SYT8: variants seen among roughly 807,000 people sequenced by gnomAD.
SYT8 encodes the protein synaptotagmin 8.
A neutral mutation model predicts 34.9 loss-of-function variants in SYT8; 50 were observed. The ratio of observed to expected loss-of-function variants is 1.43; its 90% CI spans 1.14 to 1.81. SYT8 has a LOEUF of 1.81. Among genes scored for constraint, SYT8 ranks in the 40% most tolerant of loss-of-function variants. The pLI, the probability that SYT8 is intolerant of heterozygous loss-of-function variation, is 0.00. For synonymous variants in SYT8, 255 were observed against 234.2 expected (o/e 1.09, Z -0.81); for missense variants, 595 against 529.0 (o/e 1.12, Z -1.22).
rs1846910339 is a variant in SYT8 at position 1,836,168 on chromosome 11, G to A, written c.400G>A (p.Gly134Ser). The A allele has an allele frequency of 6.5e-7, 1 of 1,531,852 alleles. No homozygotes were observed. The highest frequency in any genetic ancestry group is 1.4e-5 in the African/African-American group (1 of 72,216). 94.9% of individuals were successfully genotyped at this position (1,531,852 alleles called of 1,614,324 possible). Residue 134 changes from glycine (G) to serine (S), a missense_variant, in exon 4 of 8, where the codon GGC becomes AGC. Physicochemically the swap from Gly to Ser is moderately conservative, Grantham distance 56. Transcript: ENST00000341958. The part of the protein sequence containing the change: ...LRQAADLRPG[G>S]TVDPYARVSV... ...GCAGGCAGCCGACCTGAGGCCTGGG[G>A]GCACCGTGGACCCCTATGCCCGGGT...
chr11:1,837,175 G>T lies in SYT8; in HGVS notation c.925-17G>T. The T allele has an allele frequency of 1.1e-5, 18 of 1,584,788 alleles. No homozygotes were observed. Among genetic ancestry groups the T allele is most frequent in the Non-Finnish European group, 1.5e-5 (18 of 1,164,156 alleles). On this transcript the variant is annotated splice_polypyrimidine_tract_variant and intron_variant, in intron 7 of 7. Coordinates refer to ENST00000341958, the MANE Select transcript of SYT8 (RefSeq NM_001394072.1). ...TCTTTCTCCCCCAACTCCAACCTCTGGCCTGTCTCTGCACAGAATGTGGAC... is the reference window on the plus strand; with the variant it reads ...TCTTTCTCCCCCAACTCCAACCTCTTGCCTGTCTCTGCACAGAATGTGGAC...
chr11:1,834,384 G>A, upstream of SYT8: 1 of 642,774 alleles, frequency 1.6e-6, no homozygotes, highest in Non-Finnish European at 2.8e-6. This position sits in a 1 kb window ranked among gnomAD's most constrained non-coding sequence, Gnocchi z 4.5. Context: ...GCCGCTCCCA[G>A]CTGCACCCTG....
Position 1,836,134 on chromosome 11 carries a change from G to T in SYT8, c.366G>T (p.Val122=). ...ACCCCGCTGGCTCCCAGATCAGGGT[G>T]GGCCTGAGGCAGGCAGCCGACCTGA... is the stretch of plus-strand genomic sequence containing the variant. ...EFDFGSQEIR[V]GLRQAADLRP... The change falls in exon 4 of 8, where the codon GTG becomes GTT. Residue 122 remains valine, a synonymous_variant. Transcript: ENST00000341958. 1 of 1,507,598 alleles carries T rather than the reference G, an allele frequency of 6.6e-7. No individual in the cohort carries two copies. Among genetic ancestry groups the T allele is most frequent in the Non-Finnish European group, 8.9e-7 (1 of 1,128,544 alleles). 93.4% of individuals were successfully genotyped at this position (1,507,598 alleles called of 1,614,324 possible). A position where few individuals can be genotyped will look rare whatever the true frequency, so the allele number is the denominator to read the frequency against.
chr11:1,834,517 G>T, upstream of SYT8: 2 of 1,516,018 alleles, frequency 1.3e-6, no homozygotes, highest in South Asian at 1.2e-5. The surrounding 1 kb of genome is among the most constrained non-coding windows in gnomAD (Gnocchi z 4.5). Context: ...TGCTCCTCCC[G>T]CCATGACCCT....
At chr11:1,834,645 TGATGGGACCGCAGA>T (rs747174576), upstream of SYT8, 2 of 1,569,362 alleles carry the variant, frequency 1.3e-6, no homozygotes, top group East Asian at 4.7e-5. The surrounding 1 kb of genome is among the most constrained non-coding windows in gnomAD (Gnocchi z 4.5). Flanking sequence ...GGCAAGGAAG[TGATGGGACCGCAGA>T]GATGAGACCC....
In SYT8 at chr11:1,836,766, T is replaced by C; in HGVS notation, c.695T>C (p.Val232Ala). 2 of 1,609,444 alleles carry C rather than the reference T, an allele frequency of 1.2e-6. No homozygotes were observed. The highest frequency in any genetic ancestry group is 1.7e-6 in the Non-Finnish European group (2 of 1,179,876). Residue 232 changes from valine (V) to alanine (A), a missense_variant, in exon 6 of 8, where the codon GTC becomes GCC. Val to Ala is a moderately conservative substitution (Grantham distance 64). Coordinates refer to ENST00000341958, the MANE Select transcript of SYT8 (RefSeq NM_001394072.1). ...TCTTGCTGCCCACAGCCCGAGCAGG[T>C]CGGGGAGCTGTGCTTCTCTCTCCGG... ...GPPAATQPEQVGELCFSLRYV... is the reference protein window; with the variant it reads ...GPPAATQPEQAGELCFSLRYV...
intron 6 of SYT8, 44 bp from the exon 7 acceptor site, chr11:1,836,913 G>A (rs941814842): frequency 1.9e-6 from 3 of 1,612,844 alleles, no homozygotes; most frequent in Admixed American, 3.3e-5. Context: ...CCCGTGCTCA[G>A]CCCCGAGCCC....
intron 4 of SYT8, 23 bp from the exon 5 acceptor site, chr11:1,836,402 C>T (rs1846933070): frequency 2.0e-6 from 3 of 1,523,232 alleles, no homozygotes; most frequent in African/African-American, 1.4e-5. Flanking sequence ...GGCAGCAGGG[C>T]CTGGCTCACG....
intron 1 of SYT8, 25 bp downstream of exon 1, chr11:1,835,224 G>T (rs1426119986): frequency 6.2e-7 from 1 of 1,611,246 alleles, no homozygotes; most frequent in Non-Finnish European, 8.5e-7. Context: ...TCCCAAGAGG[G>T]GTGTGGGGAT....
rs78352900 is a variant in SYT8 at position 1,837,206 on chromosome 11, G to A, written c.939G>A (p.Val313=). 4.5e-6 allele frequency: 7 copies of A among 1,569,126 alleles called. No individual in the cohort carries two copies. The highest frequency in any genetic ancestry group is 6.0e-6 in the Non-Finnish European group (7 of 1,157,766). ...TCTCTGCACAGAATGTGGACCTGGTGCTGGCTGTCTGGGACCGCAGCCTGC... is the reference window on the plus strand; with the variant it reads ...TCTCTGCACAGAATGTGGACCTGGTACTGGCTGTCTGGGACCGCAGCCTGC... ...PFSQVQNVDL[V]LAVWDRSLPL... Residue 313 remains valine, a synonymous_variant, in exon 8 of 8, where the codon GTG becomes GTA. Coordinates refer to ENST00000341958, the MANE Select transcript of SYT8 (RefSeq NM_001394072.1).
Position 1,835,018 on chromosome 11 carries a change from A to T in SYT8, c.-88A>T, listed in dbSNP as rs1168749470. The T allele has an allele frequency of 2.2e-6, 3 of 1,376,722 alleles. No homozygotes were observed. The highest frequency in any genetic ancestry group is 2.3e-4 in the Middle Eastern group (1 of 4,430). The allele number at this position is 1,376,722 out of a possible 1,614,324, so 85.3% of individuals were successfully genotyped here. A position where few individuals can be genotyped will look rare whatever the true frequency, so the allele number is the denominator to read the frequency against. On this transcript the variant is annotated 5_prime_UTR_variant, in exon 1 of 8. It removes an upstream start codon present in the reference 5' UTR. Coordinates refer to ENST00000341958, the MANE Select transcript of SYT8 (RefSeq NM_001394072.1). Reference sequence around the variant, plus strand: ...CCCAGCACTGGCTGCTGCTAGTCAGATGGGGTAGCGGGCAGGGGCCGGAGG... The same window carrying T: ...CCCAGCACTGGCTGCTGCTAGTCAGTTGGGGTAGCGGGCAGGGGCCGGAGG...
chr11:1,836,615 A>G (rs1215803804), intron 5 of SYT8, 23 bp downstream of exon 5: 1 of 1,607,884 alleles, frequency 6.2e-7, no homozygotes, highest in Middle Eastern at 1.8e-4. Context: ...TCACCAGGCC[A>G]CAGCCCAAGG....
chr11:1,836,655 C>T (rs928074070), intron 5 of SYT8, 63 bp downstream of exon 5: 1 of 1,594,274 alleles, frequency 6.3e-7, no homozygotes, highest in African/African-American at 1.3e-5. Flanking sequence ...GCCCTATGGG[C>T]CATCGGAAAG....
intron 2 of SYT8, 48 bp from the exon 3 acceptor site, chr11:1,835,838 T>C (rs766600625): frequency 6.6e-7 from 1 of 1,513,832 alleles, no homozygotes; most frequent in Admixed American, 1.7e-5. Flanking sequence ...AGGGCTCTGA[T>C]GAGGCATGAT....
At position 1,837,275 on chromosome 11, in the gene SYT8, G is replaced by A. The variant is rs770125719; in HGVS notation, c.1008G>A (p.Arg336=). The change falls in exon 8 of 8, where the codon CGG becomes CGA. Residue 336 remains arginine, a synonymous_variant. Transcript: ENST00000341958. ...TAGGCAAGGTGCACCTGGGTGCCCGGGCCTCGGGGCAGCCCCTGCAGCACT... is the reference window on the plus strand; with the variant it reads ...TAGGCAAGGTGCACCTGGGTGCCCGAGCCTCGGGGCAGCCCCTGCAGCACT... ...EPVGKVHLGA[R]ASGQPLQHWA... is the part of the protein sequence containing the mutation. 7 of 1,585,886 alleles carry A rather than the reference G, an allele frequency of 4.4e-6. No homozygotes were observed. In the Admixed American group the frequency reaches 1.0e-4, roughly 23 times the overall value.
chr11:1,832,262 C>T (rs938814343), upstream of SYT8, among the ~76,000 whole-genome samples: 1 of 152,156 alleles, frequency 6.6e-6, no homozygotes, highest in African/African-American at 2.4e-5. Flanking sequence ...GCCTTCTAAG[C>T]AGCTTGGCAG....
chr11:1,834,607 C>A (rs759861468), upstream of SYT8: 3 of 1,587,050 alleles, frequency 1.9e-6, no homozygotes, highest in South Asian at 2.3e-5. This position sits in a 1 kb window ranked among gnomAD's most constrained non-coding sequence, Gnocchi z 4.5. Context: ...CCATGGTGGG[C>A]CCCAGCTGTG....
intron 2 of SYT8, 132 bp downstream of exon 2, chr11:1,835,591 C>G: frequency 9.0e-7 from 1 of 1,113,726 alleles, no homozygotes; most frequent in Non-Finnish European, 1.3e-6. Flanking sequence ...GAGGACCTTC[C>G]TGGCAGGGAA....
chr11:1,836,862 G>A lies in SYT8; in HGVS notation c.790+1G>A, dbSNP rs749434208. 9 of 1,612,254 alleles carry A rather than the reference G, an allele frequency of 5.6e-6. No individual in the cohort carries two copies. In the South Asian group the frequency reaches 6.6e-5, roughly 12 times the overall value. On this transcript the variant is annotated splice_donor_variant, in intron 6 of 7. Transcript: ENST00000341958. LOFTEE classifies it high-confidence loss of function. ...CGAGGCCTGCGTCCAGGACTTGCAG[G>A]TGAGGGTCACACCTGCCCACGTTGT...
Sources: gnomAD v4.1 joint callset for allele counts (sites outside exome capture counted in the v4.1 genomes callset) on GRCh38, gnomAD v4.1.1 for gene constraint, Gnocchi (gnomAD v3.1) non-coding constraint, MANE v1.5 for transcripts, NCBI Gene and HGNC (gene_info 2026-07-23, HGNC 2026-07-21) for gene names.